The following NPNT variants were observed in gnomAD, a reference collection of about 807,000 sequenced individuals.
The protein encoded by NPNT is preosteoblast EGF-like repeat protein with MAM domain.
In NPNT, 45 loss-of-function variants were observed where a neutral mutation model predicts 68.6. The observed-to-expected ratio is 0.66, with a 90% CI of 0.52 to 0.84. NPNT has a LOEUF of 0.84. Among genes scored for constraint, NPNT ranks in the 40% least tolerant of loss-of-function variants. The pLI, the probability that NPNT is intolerant of heterozygous loss-of-function variation, is 0.00. For missense variants in NPNT, 672 were observed against 714.8 expected (o/e 0.94, Z 0.68); for synonymous variants, 233 against 253.3 (o/e 0.92, Z 0.76).
At chr4:105,940,054 G>T in intron 5 of NPNT, 21 bp from the exon 6 acceptor site, 1 of 1,609,770 alleles carries the variant, frequency 6.2e-7, no homozygotes, top group Non-Finnish European at 8.5e-7. Context: ...TTCCTAAAAT[G>T]CTATTGACTT....
At chr4:105,958,760 C>A (rs889837639) in intron 9 of NPNT, 1 of 527,816 alleles carries the variant, frequency 1.9e-6, no homozygotes, top group African/African-American at 1.9e-5. Flanking sequence ...TAAAGTAGTA[C>A]TTAAACTGTA....
chr4:105,897,093 G>A (rs1725919583), intron 1 of NPNT, among the ~76,000 whole-genome samples: 1 of 152,164 alleles, frequency 6.6e-6, no homozygotes, highest in Admixed American at 6.5e-5. Flanking sequence ...AAATTAAAAT[G>A]TTGATACCCA....
chr4:105,968,308 T>C (rs1732331125), intron 11 of NPNT, among the ~76,000 whole-genome samples: 1 of 152,254 alleles, frequency 6.6e-6, no homozygotes, highest in Admixed American at 6.5e-5. Context: ...TAAAACAAGA[T>C]AATCATTTTA....
At chr4:105,899,999 T>C (rs1726265701) in intron 2 of NPNT, among the ~76,000 whole-genome samples, 1 of 152,248 alleles carries the variant, frequency 6.6e-6, no homozygotes, top group African/African-American at 2.4e-5. Context: ...AGAAAGTCTT[T>C]ATGAAATTAA....
At chr4:105,950,092 A>T (rs1331044105) in intron 8 of NPNT, among the ~76,000 whole-genome samples, 1 of 152,208 alleles carries the variant, frequency 6.6e-6, no homozygotes, top group Non-Finnish European at 1.5e-5. Flanking sequence ...ATTCTTAATC[A>T]TGTTTATTTT....
chr4:105,911,993 T>G (rs1727405010), intron 2 of NPNT: 1 of 546,660 alleles, frequency 1.8e-6, no homozygotes, highest in African/African-American at 1.9e-5. Context: ...TGTTATGAAA[T>G]GTTTTTTTAT....
At chr4:105,949,336 G>C (rs988889798) in intron 8 of NPNT, among the ~76,000 whole-genome samples, 2 of 152,164 alleles carry the variant, frequency 1.3e-5, no homozygotes, top group South Asian at 4.1e-4. Context: ...CTTTAGGTCA[G>C]GCTGGGCTAA....
At chr4:105,959,809 CTTTTT>C (rs35297511) in intron 10 of NPNT, among the ~76,000 whole-genome samples, 2 of 131,540 alleles carry the variant, frequency 1.5e-5, no homozygotes, top group Admixed American at 1.6e-4. Context: ...GTAGTTAAAT[CTTTTT>C]TTTTTTTTTT....
At chr4:105,898,144 C>G (rs974795600) in intron 2 of NPNT, 143 bp downstream of exon 2, 16 of 511,674 alleles carry the variant, frequency 3.1e-5, no homozygotes, top group Non-Finnish European at 5.2e-5. Flanking sequence ...CAGGTACAGT[C>G]CAGACTCCTT....
At chr4:105,917,467 T>A (rs1013805524) in intron 2 of NPNT, among the ~76,000 whole-genome samples, 1 of 152,222 alleles carries the variant, frequency 6.6e-6, no homozygotes, top group African/African-American at 2.4e-5. Context: ...GTCAGGAGAC[T>A]GTACACTACA....
intron 2 of NPNT, 62 bp from the exon 3 acceptor site, chr4:105,927,274 C>A: frequency 9.8e-7 from 1 of 1,023,594 alleles, no homozygotes; most frequent in Non-Finnish European, 1.5e-6. Context: ...TGCACGACAT[C>A]AATGCTATAT....
At chr4:105,940,040 G>C in intron 5 of NPNT, 35 bp from the exon 6 acceptor site, 1 of 1,599,578 alleles carries the variant, frequency 6.3e-7, no homozygotes, top group Non-Finnish European at 8.6e-7. Context: ...ACATACCCTT[G>C]CTCTTCCTAA....
chr4:105,917,917 T>C (rs1434397513), intron 2 of NPNT, among the ~76,000 whole-genome samples: 1 of 152,190 alleles, frequency 6.6e-6, no homozygotes, highest in Non-Finnish European at 1.5e-5. Flanking sequence ...TATAATGATC[T>C]ACATGAACAT....
intron 2 of NPNT, among the ~76,000 whole-genome samples, chr4:105,899,367 A>G (rs1235864163): frequency 6.6e-6 from 1 of 152,208 alleles, no homozygotes; most frequent in Non-Finnish European, 1.5e-5. Flanking sequence ...GAGTAGTTCT[A>G]TACCTGCAGT....
At chr4:105,901,007 T>A (rs1726373437) in intron 2 of NPNT, among the ~76,000 whole-genome samples, 1 of 152,214 alleles carries the variant, frequency 6.6e-6, no homozygotes, top group Non-Finnish European at 1.5e-5. Context: ...GTTCACACAC[T>A]GATGATTGCA....
chr4:105,939,865 G>C (rs552497516), intron 5 of NPNT, among the ~76,000 whole-genome samples: 96 of 152,284 alleles, frequency 6.3e-4, no homozygotes, highest in African/African-American at 2.2e-3. Flanking sequence ...AATATATAGA[G>C]TGCAAGAAAA....
intron 10 of NPNT, among the ~76,000 whole-genome samples, chr4:105,964,064 C>G (rs1364202304): frequency 6.6e-6 from 1 of 152,136 alleles, no homozygotes; most frequent in Non-Finnish European, 1.5e-5. Context: ...CCACCACATA[C>G]TAGCTTTGAC....
Position 105,970,594 on chromosome 4 carries a change from T to A in NPNT, c.*1604T>A, listed in dbSNP as rs1311693779. The A allele has an allele frequency of 6.0e-6, 4 of 670,610 alleles. No homozygotes were observed. Among genetic ancestry groups the A allele is most frequent in the African/African-American group, 5.3e-5 (3 of 56,618 alleles). The allele number at this position is 670,610 out of a possible 1,614,324, so 41.5% of individuals were successfully genotyped here. A position where few individuals can be genotyped will look rare whatever the true frequency, so the allele number is the denominator to read the frequency against. On this transcript the variant is annotated 3_prime_UTR_variant, in exon 12 of 12. Transcript: ENST00000379987. ...AAGAGGAAACTGGCTTAGACTAGAG[T>A]ATAAGGGAGCATTTCTTGGCAGGGG...
At position 105,895,742 on chromosome 4, in the gene NPNT, C is replaced by A. The variant is rs998169803; in HGVS notation, c.71+19C>A. On this transcript the variant is annotated intron_variant, in intron 1 of 11. Coordinates refer to ENST00000379987, the MANE Select transcript of NPNT (RefSeq NM_001033047.3). Reference sequence around the variant, plus strand: ...ACGGGAGGTGAGCTGGGCCCCGGGGCGCCCTCTCCTCCTTCCCGCGCTAAT... The same window carrying A: ...ACGGGAGGTGAGCTGGGCCCCGGGGAGCCCTCTCCTCCTTCCCGCGCTAAT... The A allele has an allele frequency of 5.2e-6, 8 of 1,546,656 alleles. No individual in the cohort carries two copies. The highest frequency in any genetic ancestry group is 4.1e-5 in the African/African-American group (3 of 72,920).
Sources: gnomAD v4.1 joint callset for allele counts (sites outside exome capture counted in the v4.1 genomes callset) on GRCh38, gnomAD v4.1.1 for gene constraint, MANE v1.5 for transcripts, NCBI Gene and HGNC (gene_info 2026-07-23, HGNC 2026-07-21) for gene names.